The following SLC9A1 variants were observed in gnomAD, a reference collection of about 807,000 sequenced individuals.
SLC9A1 encodes the protein sodium/hydrogen exchanger 1.
A neutral mutation model predicts 67.9 loss-of-function variants in SLC9A1; 22 were observed. That is an observed-to-expected ratio of 0.32 (90% CI 0.23 to 0.46). The LOEUF (loss-of-function observed/expected upper bound fraction) is 0.46. Among genes scored for constraint, SLC9A1 ranks in the 20% least tolerant of loss-of-function variants. The pLI is 1.00. For missense variants in SLC9A1, 686 were observed against 1,094.8 expected, an observed-to-expected ratio of 0.63 and a Z score of 5.27; for synonymous variants, 421 against 471.8, an observed-to-expected ratio of 0.89 and a Z score of 1.40.
chr1:27,141,738 C>A (rs974333217), intron 1 of SLC9A1, among the ~76,000 whole-genome samples: 1 of 152,222 alleles, frequency 6.6e-6, no homozygotes, highest in Non-Finnish European at 1.5e-5. Context: ...AGGGTGCCTG[C>A]TCCCCTCCCC....
At chr1:27,110,913 C>T (rs1435777510) in intron 2 of SLC9A1, among the ~76,000 whole-genome samples, 1 of 152,156 alleles carries the variant, frequency 6.6e-6, no homozygotes, top group Non-Finnish European at 1.5e-5. Flanking sequence ...TGACAGGGAA[C>T]CCTCCAAAGC....
intron 1 of SLC9A1, among the ~76,000 whole-genome samples, chr1:27,119,120 T>C (rs776465731): frequency 2.6e-5 from 4 of 151,284 alleles, no homozygotes; most frequent in South Asian, 2.1e-4. Flanking sequence ...AAACTTCCAA[T>C]TGATGGAGGC....
Position 27,101,032 on chromosome 1 carries a change from C to A in SLC9A1, c.2110+171G>T, listed in dbSNP as rs1352982995. 6.6e-6 allele frequency among the ~76,000 whole-genome samples: 1 copy of A among 152,216 alleles called. No homozygotes were observed. The highest frequency in any genetic ancestry group is 1.5e-5 in the Non-Finnish European group (1 of 68,032). The stretch of plus-strand genomic sequence containing the variant: ...AGTCCTCGCCCGGAACGTCTCTCTC[C>A]CTAGGGATGGCCCCTGACGTAGAAG... On this transcript the variant is annotated intron_variant, in intron 11 of 11. Transcript: ENST00000263980. The surrounding 1 kb of genome is among the most constrained non-coding windows in gnomAD (Gnocchi z 4.9).
chr1:27,152,139 T>C (rs2083532751), intron 1 of SLC9A1, among the ~76,000 whole-genome samples: 1 of 152,136 alleles, frequency 6.6e-6, no homozygotes, highest in African/African-American at 2.4e-5. Flanking sequence ...CCATCTCTGC[T>C]CTCCAGCTGC....
chr1:27,126,529 G>A (rs1325114867), intron 1 of SLC9A1, among the ~76,000 whole-genome samples: 1 of 152,168 alleles, frequency 6.6e-6, no homozygotes, highest in Non-Finnish European at 1.5e-5. Flanking sequence ...GCAGAACCCA[G>A]TCACGCTCAG....
At chr1:27,104,838 T>C (rs2083173318) in intron 5 of SLC9A1, among the ~76,000 whole-genome samples, 1 of 152,148 alleles carries the variant, frequency 6.6e-6, no homozygotes, top group South Asian at 2.1e-4. Context: ...AAATGGAGGC[T>C]CAGACAGAGT....
chr1:27,154,385 G>T lies in SLC9A1; in HGVS notation c.-51C>A. 8.1e-7 allele frequency: 1 copy of T among 1,228,470 alleles called. No individual in the cohort carries two copies. The highest frequency in any genetic ancestry group is 1.1e-6 in the Non-Finnish European group (1 of 880,388). 76.1% of individuals were successfully genotyped at this position (1,228,470 alleles called of 1,614,324 possible). A position where few individuals can be genotyped will look rare whatever the true frequency, so the allele number is the denominator to read the frequency against. On this transcript the variant is annotated 5_prime_UTR_variant, in exon 1 of 12. Coordinates refer to ENST00000263980, the MANE Select transcript of SLC9A1 (RefSeq NM_003047.5). ...ACCTTACCCAAATGAGAGTAAAACC[G>T]GGCACATAGGTAGCAAAGGGTCAGC... is the stretch of plus-strand genomic sequence containing the variant.
At chr1:27,150,960 C>T (rs999367472) in intron 1 of SLC9A1, among the ~76,000 whole-genome samples, 19 of 152,274 alleles carry the variant, frequency 1.2e-4, no homozygotes, top group Non-Finnish European at 2.1e-4. Flanking sequence ...AGAGAATAGG[C>T]AAGACCCCAA....
intron 1 of SLC9A1, among the ~76,000 whole-genome samples, chr1:27,145,313 A>G (rs1157592893): frequency 2.0e-5 from 3 of 152,172 alleles, no homozygotes; most frequent in Non-Finnish European, 4.4e-5. Flanking sequence ...GCAGGCTGGA[A>G]GCTCCTAAAG....
intron 2 of SLC9A1, among the ~76,000 whole-genome samples, chr1:27,112,034 C>T (rs529130117): frequency 1.3e-5 from 2 of 152,324 alleles, no homozygotes; most frequent in South Asian, 4.1e-4. Flanking sequence ...TTATCTTTGG[C>T]ACTCACTGGC....
In SLC9A1 at chr1:27,100,354, G is replaced by A; in HGVS notation, c.2401C>T (p.His801Tyr). 3 of 1,557,948 alleles carry A rather than the reference G, an allele frequency of 1.9e-6. No individual in the cohort carries two copies. Among genetic ancestry groups the A allele is most frequent in the Non-Finnish European group, 2.6e-6 (3 of 1,150,784 alleles). Residue 801 changes from histidine (H) to tyrosine (Y), a missense_variant, in exon 12 of 12, where the codon CAC becomes TAC. Physicochemically the swap from His to Tyr is moderately conservative, Grantham distance 83 (BLOSUM62 2). This residue lies in a region of SLC9A1 where 226 missense variants were observed against 282.4 expected (regional missense o/e 0.80). Transcript: ENST00000263980. The surrounding 1 kb of genome is among the most constrained non-coding windows in gnomAD (Gnocchi z 5.6). Reference protein sequence around the residue: ...IQRCLSDPGPHPEPGEGEPFF... With the variant: ...IQRCLSDPGPYPEPGEGEPFF... Reference sequence around the variant, plus strand: ...GGTTCTCCCTCCCCAGGCTCAGGGTGTGGGCCTGGGTCACTGAGGCAGCGC... The same window carrying A: ...GGTTCTCCCTCCCCAGGCTCAGGGTATGGGCCTGGGTCACTGAGGCAGCGC...
At chr1:27,123,968 A>C (rs2124172788) in intron 1 of SLC9A1, among the ~76,000 whole-genome samples, 1 of 152,286 alleles carries the variant, frequency 6.6e-6, no homozygotes. Context: ...CTGGGATTAC[A>C]GGTGTGTGCC....
intron 1 of SLC9A1, among the ~76,000 whole-genome samples, chr1:27,129,761 AC>A (rs1557427450): frequency 6.6e-6 from 1 of 150,818 alleles, no homozygotes; most frequent in African/African-American, 2.4e-5. Context: ...CATGGTGCCA[AC>A]CCCCCCATTC....
intron 2 of SLC9A1, among the ~76,000 whole-genome samples, chr1:27,110,846 G>C (rs1240842332): frequency 2.0e-5 from 3 of 152,198 alleles, no homozygotes; most frequent in Non-Finnish European, 4.4e-5. Flanking sequence ...AGCTCTGCCA[G>C]GAAGGAGCAG....
chr1:27,113,701 G>A (rs1197675359), intron 2 of SLC9A1, 125 bp downstream of exon 2: 4 of 745,736 alleles, frequency 5.4e-6, no homozygotes, highest in East Asian at 2.5e-5. Context: ...CCTGGCATAC[G>A]GGAAGCGGGA....
At chr1:27,131,938 G>GAAGAAAAAAAAAA (rs1553119548) in intron 1 of SLC9A1, among the ~76,000 whole-genome samples, 3 of 35,030 alleles carry the variant, frequency 8.6e-5, no homozygotes, top group African/African-American at 3.3e-4. Flanking sequence ...AGAAGAAGAA[G>GAAGAAAAAAAAAA]AAAAAAAAAA....
Position 27,100,114 on chromosome 1 carries a change from T to C in SLC9A1, c.*193A>G. On this transcript the variant is annotated 3_prime_UTR_variant, in exon 12 of 12. Coordinates refer to ENST00000263980, the MANE Select transcript of SLC9A1 (RefSeq NM_003047.5). This position sits in a 1 kb window ranked among gnomAD's most constrained non-coding sequence, Gnocchi z 5.6. Reference sequence around the variant, plus strand: ...GCCAAATGGATTGGGGAGGCAGCTCTGGTGGGGAGGATGCTTCCCGGGAGG... The same window carrying C: ...GCCAAATGGATTGGGGAGGCAGCTCCGGTGGGGAGGATGCTTCCCGGGAGG... 2.1e-6 allele frequency: 1 copy of C among 477,938 alleles called. No individual in the cohort carries two copies. The allele number at this position is 477,938 out of a possible 1,614,324, so 29.6% of individuals were successfully genotyped here.
intron 1 of SLC9A1, among the ~76,000 whole-genome samples, chr1:27,152,020 C>T (rs967440101): frequency 1.3e-5 from 2 of 152,100 alleles, no homozygotes; most frequent in Admixed American, 1.3e-4. Context: ...TGGAAGGGAC[C>T]ACAAAGATCA....
intron 1 of SLC9A1, among the ~76,000 whole-genome samples, chr1:27,116,876 T>C (rs2083275290): frequency 6.6e-6 from 1 of 152,174 alleles, no homozygotes; most frequent in South Asian, 2.1e-4. Flanking sequence ...CTCTTTTGCC[T>C]GCCAATCTTC....
Sources: gnomAD v4.1 joint callset for allele counts (sites outside exome capture counted in the v4.1 genomes callset) on GRCh38, gnomAD v4.1.1 for gene constraint, gnomAD v4.1.1 regional missense constraint, Gnocchi (gnomAD v3.1) non-coding constraint, MANE v1.5 for transcripts, NCBI Gene and HGNC (gene_info 2026-07-23, HGNC 2026-07-21) for gene names.